The following LDAH variants were observed in gnomAD, a reference collection of about 807,000 sequenced individuals.
The protein encoded by LDAH is lipid droplet-associated hydrolase.
Under a neutral mutation model 29.6 loss-of-function variants are expected in LDAH, and 26 were observed. The ratio of observed to expected loss-of-function variants is 0.88; its 90% CI spans 0.64 to 1.22. The LOEUF (loss-of-function observed/expected upper bound fraction) is 1.22. Ranked by LOEUF, LDAH falls within the 50% of genes most tolerant of loss-of-function variation. The pLI is 0.00. For missense variants in LDAH, 344 were observed against 387.3 expected, an observed-to-expected ratio of 0.89 and a Z score of 0.94; for synonymous variants, 117 against 133.0, an observed-to-expected ratio of 0.88 and a Z score of 0.83.
chr2:20,706,906 T>G (rs866148403), intron 5 of LDAH, among the ~76,000 whole-genome samples: 68 of 152,348 alleles, frequency 4.5e-4, no homozygotes, highest in Middle Eastern at 3.4e-3. Flanking sequence ...CTCCCTCAGT[T>G]GATAAGTGCA....
intron 2 of LDAH, among the ~76,000 whole-genome samples, chr2:20,791,183 C>T (rs745510235): frequency 3.3e-5 from 5 of 152,242 alleles, no homozygotes; most frequent in Admixed American, 6.5e-5. Context: ...TTATATCTTT[C>T]AGTTTGCTAG....
At chr2:20,704,734 A>G (rs1239420266) in intron 5 of LDAH, among the ~76,000 whole-genome samples, 1 of 152,116 alleles carries the variant, frequency 6.6e-6, no homozygotes, top group African/African-American at 2.4e-5. Context: ...AATAGGTTAT[A>G]GTTTCTTTCT....
intron 5 of LDAH, among the ~76,000 whole-genome samples, chr2:20,704,906 A>G (rs1171836907): frequency 3.9e-5 from 6 of 152,204 alleles, no homozygotes; most frequent in Non-Finnish European, 7.4e-5. Context: ...CTCCCCCCAC[A>G]GAGCCTTCCA....
At chr2:20,703,821 GT>G (rs1168512884) in intron 5 of LDAH, among the ~76,000 whole-genome samples, 1 of 152,166 alleles carries the variant, frequency 6.6e-6, no homozygotes, top group East Asian at 1.9e-4. Flanking sequence ...TCATTCATTT[GT>G]TTATTCATTC....
intron 1 of LDAH, among the ~76,000 whole-genome samples, chr2:20,819,738 A>C (rs1340084700): frequency 6.6e-6 from 1 of 152,202 alleles, no homozygotes; most frequent in Non-Finnish European, 1.5e-5. Flanking sequence ...ACTCCTATTC[A>C]ACATAGTGTT....
intron 5 of LDAH, among the ~76,000 whole-genome samples, chr2:20,730,608 G>A (rs1666331891): frequency 4.6e-5 from 7 of 152,102 alleles, no homozygotes; most frequent in Admixed American, 4.6e-4. Context: ...TAAAAGGATT[G>A]TAGTTTTAAG....
At chr2:20,750,826 C>A (rs1344256539) in intron 4 of LDAH, among the ~76,000 whole-genome samples, 1 of 152,102 alleles carries the variant, frequency 6.6e-6, no homozygotes, top group Non-Finnish European at 1.5e-5. Context: ...ACTATGCAGC[C>A]ATAAAAAAGA....
At chr2:20,790,200 AGAAACAT>A in intron 3 of LDAH, 48 bp downstream of exon 3, 1 of 1,575,820 alleles carries the variant, frequency 6.3e-7, no homozygotes, top group Admixed American at 1.8e-5. Flanking sequence ...CAAGCTTGCT[AGAAACAT>A]GACCCTGCAC....
At chr2:20,702,222 G>A (rs1235878521) in intron 5 of LDAH, among the ~76,000 whole-genome samples, 2 of 152,174 alleles carry the variant, frequency 1.3e-5, no homozygotes, top group African/African-American at 2.4e-5. Flanking sequence ...GAGGAAGAAC[G>A]CCAGAGATAA....
intron 3 of LDAH, among the ~76,000 whole-genome samples, chr2:20,782,790 T>C (rs1348006406): frequency 6.6e-6 from 1 of 152,186 alleles, no homozygotes; most frequent in Non-Finnish European, 1.5e-5. Flanking sequence ...TTGTTGATTT[T>C]TTTTCTAATA....
At chr2:20,789,955 C>G (rs1670831355) in intron 3 of LDAH, among the ~76,000 whole-genome samples, 1 of 152,156 alleles carries the variant, frequency 6.6e-6, no homozygotes, top group African/African-American at 2.4e-5. Flanking sequence ...GCTTTTTCCC[C>G]ACCATTCCTC....
At chr2:20,783,122 T>A (rs1670314580) in intron 3 of LDAH, among the ~76,000 whole-genome samples, 1 of 152,242 alleles carries the variant, frequency 6.6e-6, no homozygotes, top group Non-Finnish European at 1.5e-5. Context: ...ATATTGGGAT[T>A]TCCTAGCTAT....
At chr2:20,780,071 T>A (rs1270943092) in intron 3 of LDAH, among the ~76,000 whole-genome samples, 1 of 152,114 alleles carries the variant, frequency 6.6e-6, no homozygotes, top group Non-Finnish European at 1.5e-5. Context: ...AAACCCCAGC[T>A]CCCTCCCTAA....
At chr2:20,778,550 A>G (rs955764801) in intron 3 of LDAH, among the ~76,000 whole-genome samples, 7 of 152,180 alleles carry the variant, frequency 4.6e-5, no homozygotes, top group Middle Eastern at 3.2e-3. Flanking sequence ...GACTACTCTG[A>G]CAGAAAACAG....
chr2:20,683,781 G>T (rs1662380670), downstream of LDAH, among the ~76,000 whole-genome samples: 1 of 152,036 alleles, frequency 6.6e-6, no homozygotes, highest in Admixed American at 6.5e-5. Context: ...CCTCCTTTAG[G>T]TACCATTTTA....
At chr2:20,798,880 TCAAAA>T (rs1671483749) in intron 2 of LDAH, among the ~76,000 whole-genome samples, 2 of 151,802 alleles carry the variant, frequency 1.3e-5, no homozygotes, top group South Asian at 2.1e-4. Flanking sequence ...AGACTCCATC[TCAAAA>T]CAAAACAAAA....
intron 1 of LDAH, among the ~76,000 whole-genome samples, chr2:20,808,084 A>T (rs528348484): frequency 2.0e-5 from 3 of 152,214 alleles, no homozygotes; most frequent in Non-Finnish European, 4.4e-5. Flanking sequence ...GAGACCACTT[A>T]TAACAGCATC....
At chr2:20,757,156 A>C (rs1190423645) in intron 4 of LDAH, among the ~76,000 whole-genome samples, 1 of 152,222 alleles carries the variant, frequency 6.6e-6, no homozygotes, top group Non-Finnish European at 1.5e-5. Flanking sequence ...GGAACTTCAG[A>C]GAGGAGTGCT....
Position 20,701,570 on chromosome 2 carries a change from C to T in LDAH, c.786G>A (p.Lys262=). The change falls in exon 6 of 7, where the codon AAG becomes AAA. Residue 262 remains lysine, a splice_region_variant and synonymous_variant. Transcript: ENST00000237822. Reference sequence around the variant, plus strand: ...CCCCTTGCAGCACTAAAGTGATTACCTTACATAAATGCTCCTTTATGGTTT... The same window carrying T: ...CCCCTTGCAGCACTAAAGTGATTACTTTACATAAATGCTCCTTTATGGTTT... ...DDETIKEHLC[K]LTFYYGTIDP... 1 of 1,613,364 alleles carries T rather than the reference C, an allele frequency of 6.2e-7. No homozygotes were observed. The highest frequency in any genetic ancestry group is 1.1e-5 in the South Asian group (1 of 91,074).
Sources: gnomAD v4.1 joint callset for allele counts (sites outside exome capture counted in the v4.1 genomes callset) on GRCh38, gnomAD v4.1.1 for gene constraint, MANE v1.5 for transcripts, NCBI Gene and HGNC (gene_info 2026-07-23, HGNC 2026-07-21) for gene names.